Variants in LRP4 observed in about 807,000 individuals in gnomAD.
LRP4 encodes LDL receptor related protein 4, also known as low-density lipoprotein receptor-related protein 4.
A neutral mutation model predicts 220.3 loss-of-function variants in LRP4; 95 were observed. The ratio of observed to expected loss-of-function variants is 0.43; its 90% CI spans 0.37 to 0.51. The LOEUF (loss-of-function observed/expected upper bound fraction) is 0.51, where lower values mean the gene tolerates loss of function less well. Among genes scored for constraint, LRP4 ranks in the 20% least tolerant of loss-of-function variants. The pLI is 0.00. For synonymous variants in LRP4, 903 were observed against 954.6 expected, an observed-to-expected ratio of 0.95 and a Z score of 1.00; for missense variants, 1,925 against 2,567.0, an observed-to-expected ratio of 0.75 and a Z score of 5.40.
intron 13 of LRP4, 85 bp downstream of exon 13, chr11:46,892,888 G>A: frequency 6.6e-7 from 1 of 1,515,738 alleles, no homozygotes. Context: ...CTTTGAGGAT[G>A]TACTCCCAGA....
chr11:46,898,659 C>T lies in LRP4; in HGVS notation c.695G>A (p.Arg232His), dbSNP rs370407081. ...ACTGTCACACATGAACTCCCCAGAG[C>T]GGCAGGGCTGGTGGGAGGCTAGGGA... ...ESDCSSHQPC[R>H]SGEFMCDSGL... Residue 232 changes from arginine (R) to histidine (H), a missense_variant, in exon 7 of 38, where the codon CGC (arginine) becomes CAC (histidine). Transcript: ENST00000378623. 61 of 1,614,016 alleles carry T rather than the reference C, an allele frequency of 3.8e-5. No homozygotes were observed. The African/African-American group carries it at 4.7e-4, about 12-fold the overall frequency.
intron 11 of LRP4, 103 bp from the exon 12 acceptor site, chr11:46,894,922 G>A: frequency 1.8e-6 from 2 of 1,106,782 alleles, no homozygotes; most frequent in Non-Finnish European, 2.7e-6. Context: ...TGCTCACAAG[G>A]ACATGCCCCA....
Position 46,878,895 on chromosome 11 carries a change from G to A in LRP4, c.3136+12C>T. 1.2e-6 allele frequency: 2 copies of A among 1,614,076 alleles called. No individual in the cohort carries two copies. The highest frequency in any genetic ancestry group is 1.7e-6 in the Non-Finnish European group (2 of 1,180,046). On this transcript the variant is annotated intron_variant, in intron 22 of 37. Transcript: ENST00000378623. The stretch of plus-strand genomic sequence containing the variant: ...GAGAGGCTGCATCTAGATCTGTGAT[G>A]CTTTCACTCACCTGGTGAGCAGGTC...
Position 46,873,179 on chromosome 11 carries a change from C to A in LRP4, c.4504G>T (p.Asp1502Tyr). The A allele has an allele frequency of 1.9e-6, 3 of 1,614,198 alleles. No homozygotes were observed. The highest frequency in any genetic ancestry group is 2.5e-6 in the Non-Finnish European group (3 of 1,180,040). Residue 1502 changes from aspartate to tyrosine, a missense_variant, in exon 30 of 38, where the codon GAT (aspartate) becomes TAT (tyrosine). This residue lies in a region of LRP4 where 1,244 missense variants were observed against 1,624.9 expected (regional missense o/e 0.77). Coordinates refer to ENST00000378623, the MANE Select transcript of LRP4 (RefSeq NM_002334.4). This position sits in a 1 kb window ranked among gnomAD's most constrained non-coding sequence, Gnocchi z 4.2. ...HIAKIERANL[D>Y]GSERKVLINT... ...ATGAGGACCTTCCGCTCAGAACCATCCAAGTTTGCCCGTTCGATCTTGGCA... is the reference window on the plus strand; with the variant it reads ...ATGAGGACCTTCCGCTCAGAACCATACAAGTTTGCCCGTTCGATCTTGGCA...
At chr11:46,909,357 A>T (rs1314096657) in intron 1 of LRP4, among the ~76,000 whole-genome samples, 2 of 149,702 alleles carry the variant, frequency 1.3e-5, no homozygotes, top group Non-Finnish European at 3.0e-5. Flanking sequence ...CTGTAATCCC[A>T]GCACTTTGGG....
At chr11:46,859,807 C>T (rs1361043757) in intron 37 of LRP4, among the ~76,000 whole-genome samples, 1 of 152,162 alleles carries the variant, frequency 6.6e-6, no homozygotes, top group Non-Finnish European at 1.5e-5. Context: ...TATAAATCAT[C>T]AAAAGCAATT....
At position 46,886,379 on chromosome 11, in the gene LRP4, T is replaced by A. The variant is rs1193447285; in HGVS notation, c.2370A>T (p.Thr790=). Residue 790 remains threonine, a synonymous_variant, in exon 17 of 38, where the codon ACA becomes ACT. Transcript: ENST00000378623. ...WDSRDDHVYW[T]DVSTDTISRA... is the part of the protein sequence containing the mutation. ...TGCTGATGGTATCAGTGCTGACATC[T>A]GTCCAGTACACGTGGTCATCCCGGG... 1 of 1,608,282 alleles carries A rather than the reference T, an allele frequency of 6.2e-7. No homozygotes were observed. The highest frequency in any genetic ancestry group is 1.1e-5 in the South Asian group (1 of 90,130).
chr11:46,915,140 G>A (rs1032949281), intron 1 of LRP4, among the ~76,000 whole-genome samples: 11 of 152,148 alleles, frequency 7.2e-5, no homozygotes, highest in Admixed American at 6.5e-4. Context: ...TCAGTGACAA[G>A]CCAAGTATGT....
At chr11:46,880,300 CA>C (rs34098785) in intron 20 of LRP4, among the ~76,000 whole-genome samples, 59,116 of 84,266 alleles carry the variant, frequency 0.7, 19,042 homozygotes, top group East Asian at 0.93. Context: ...ACTGCAGTCT[CA>C]AAAAAAAAAA....
rs886048349 is a variant in LRP4 at position 46,873,423 on chromosome 11, T to C, written c.4400A>G (p.Asn1467Ser). ...LDGSCRKVLINNSLDEPRAIA... is the reference protein window; with the variant it reads ...LDGSCRKVLISNSLDEPRAIA... ...GGCCCGGGGCTCATCCAGGCTATTGTTGATCAGTACTTTGCGGCAGGAACC... is the reference window on the plus strand; with the variant it reads ...GGCCCGGGGCTCATCCAGGCTATTGCTGATCAGTACTTTGCGGCAGGAACC... Residue 1467 changes from asparagine to serine, a missense_variant, in exon 29 of 38, where the codon AAC becomes AGC. Asn to Ser is a conservative substitution (Grantham distance 46). Transcript: ENST00000378623. This position sits in a 1 kb window ranked among gnomAD's most constrained non-coding sequence, Gnocchi z 4.2. 5 of 1,614,220 alleles carry C rather than the reference T, an allele frequency of 3.1e-6. No homozygotes were observed. Among genetic ancestry groups the C allele is most frequent in the Admixed American group, 3.3e-5 (2 of 60,020 alleles).
Position 46,899,061 on chromosome 11 carries a change from C to T in LRP4, c.548-29G>A, listed in dbSNP as rs754521314. 24 of 1,603,092 alleles carry T rather than the reference C, an allele frequency of 1.5e-5. No individual in the cohort carries two copies. In the Middle Eastern group the frequency reaches 2.8e-3, roughly 190 times the overall value. ...GAGGGAAGGCAGGGGTGGGGAGGGG[C>T]ACACACTCAGGCCTGGATGAAGGAG... On this transcript the variant is annotated intron_variant, in intron 5 of 37. Coordinates refer to ENST00000378623, the MANE Select transcript of LRP4 (RefSeq NM_002334.4). This position sits in a 1 kb window ranked among gnomAD's most constrained non-coding sequence, Gnocchi z 5.9.
Position 46,895,913 on chromosome 11 carries a change from C to T in LRP4, c.1154G>A (p.Arg385Gln), listed in dbSNP as rs772931812. ...AVQCTCHTGY[R>Q]LTEDGHTCQD... ...GCACGTGTGCCCATCCTCTGTGAGC[C>T]GGTAGCCTGTGTGGCAGGTACACTG... The change falls in exon 10 of 38, where the codon CGG (arginine) becomes CAG (glutamine). Residue 385 changes from arginine (R) to glutamine (Q), a missense_variant. Arg to Gln is a conservative substitution (Grantham distance 43). This residue lies in a region of LRP4 where 269 missense variants were observed against 436.7 expected (regional missense o/e 0.62). Transcript: ENST00000378623. The T allele has an allele frequency of 8.1e-6, 13 of 1,613,688 alleles. No individual in the cohort carries two copies. Among genetic ancestry groups the T allele is most frequent in the East Asian group, 2.2e-5 (1 of 44,884 alleles).
intron 34 of LRP4, among the ~76,000 whole-genome samples, chr11:46,867,758 G>A (rs1326057760): frequency 6.6e-6 from 1 of 152,242 alleles, no homozygotes; most frequent in Non-Finnish European, 1.5e-5. Context: ...ACCACACCCA[G>A]CCTTAAAGTT....
rs73460016 is a variant in LRP4, at chr11:46,916,271, T to A, written c.52+2057A>T. On this transcript the variant is annotated intron_variant, in intron 1 of 37. Transcript: ENST00000378623. ...CTTGGCAACATGGTGAAACCCCATC[T>A]CTAGAAAAAAAAACAAAAATTTGTA... Among the ~76,000 whole-genome samples the A allele has an allele frequency of 2.7e-3, 409 of 151,900 alleles. 3 individuals carry two copies. Among genetic ancestry groups the A allele is most frequent in the African/African-American group, 9.3e-3 (386 of 41,416 alleles).
At chr11:46,885,881 C>T (rs1941280370) in intron 18 of LRP4, among the ~76,000 whole-genome samples, 1 of 152,046 alleles carries the variant, frequency 6.6e-6, no homozygotes. Context: ...ATCAGCTACA[C>T]AGCAGAAGCA....
chr11:46,885,384 A>C (rs1371784507), intron 18 of LRP4, among the ~76,000 whole-genome samples: 2 of 152,158 alleles, frequency 1.3e-5, no homozygotes, highest in Non-Finnish European at 2.9e-5. Flanking sequence ...CAGAGGAGGC[A>C]AGGTTGTCAT....
chr11:46,863,193 T>C (rs1940603102), intron 36 of LRP4, among the ~76,000 whole-genome samples: 1 of 152,136 alleles, frequency 6.6e-6, no homozygotes. Flanking sequence ...AACCTTGAGA[T>C]GAGACTGTAA....
chr11:46,897,918 C>T (rs1230806153), intron 7 of LRP4, among the ~76,000 whole-genome samples: 1 of 152,186 alleles, frequency 6.6e-6, no homozygotes, highest in Non-Finnish European at 1.5e-5. Flanking sequence ...GGTGGCCTGG[C>T]AGAGGGGCTC....
At position 46,897,997 on chromosome 11, in the gene LRP4, G is replaced by A. The variant is rs796928310; in HGVS notation, c.796+561C>T. 5.4e-3 allele frequency among the ~76,000 whole-genome samples: 712 copies of A among 132,538 alleles called. 3 individuals carry two copies. The highest frequency in any genetic ancestry group is 0.02 in the African/African-American group (681 of 34,744). The allele number at this position is 132,538 out of a possible 152,430, so 87.0% of individuals were successfully genotyped here. A position where few individuals can be genotyped will look rare whatever the true frequency, so the allele number is the denominator to read the frequency against. On this transcript the variant is annotated intron_variant, in intron 7 of 37. Coordinates refer to ENST00000378623, the MANE Select transcript of LRP4 (RefSeq NM_002334.4). The stretch of plus-strand genomic sequence containing the variant: ...TCCCGGACGGGGCGGCTGGCCGGGC[G>A]GGGGGCTGACCCCCCAACCTCCCTC...
Sources: allele counts gnomAD v4.1 joint callset (sites outside exome capture counted in the v4.1 genomes callset), GRCh38; gene constraint gnomAD v4.1.1; regional missense constraint gnomAD v4.1.1; non-coding constraint Gnocchi (gnomAD v3.1); transcripts MANE v1.5; gene names NCBI Gene and HGNC (gene_info 2026-07-23, HGNC 2026-07-21).